The following EIF3F variants were observed in gnomAD, a reference collection of about 807,000 sequenced individuals.
The protein encoded by EIF3F is deubiquitinating enzyme eIF3f.
EIF3F carries 8 observed loss-of-function variants against 36.0 expected under a neutral mutation model. That is an observed-to-expected ratio of 0.22 (90% confidence interval 0.13 to 0.40). The LOEUF is 0.40. Ranked by LOEUF, EIF3F falls within the 10% of genes least tolerant of loss-of-function variation. The pLI, the probability that EIF3F is intolerant of heterozygous loss-of-function variation, is 1.00. For synonymous variants in EIF3F, 184 were observed against 188.5 expected, an observed-to-expected ratio of 0.98 and a Z score of 0.19; for missense variants, 430 against 467.6, an observed-to-expected ratio of 0.92 and a Z score of 0.74.
chr11:7,990,663 ATT>A (rs1942081047), intron 1 of EIF3F, among the ~76,000 whole-genome samples: 1 of 152,190 alleles, frequency 6.6e-6, no homozygotes, highest in Non-Finnish European at 1.5e-5. Context: ...ATATATGTGC[ATT>A]TGGTTTAGGG....
chr11:7,987,805 G>A, intron 1 of EIF3F, 89 bp downstream of exon 1: 2 of 1,374,266 alleles, frequency 1.5e-6, no homozygotes, highest in Non-Finnish European at 1.9e-6. Flanking sequence ...TTAATTCCTG[G>A]TGTCCTACCG....
In EIF3F at chr11:7,995,424, A is replaced by G. The variant is rs1409284515; in HGVS notation, c.996+57A>G. 3.7e-6 allele frequency: 5 copies of G among 1,366,840 alleles called. No individual in the cohort carries two copies. The Admixed American group carries it at 5.0e-5, about 14-fold the overall frequency. The allele number at this position is 1,366,840 out of a possible 1,614,324, so 84.7% of individuals were successfully genotyped here. A position where few individuals can be genotyped will look rare whatever the true frequency, so the allele number is the denominator to read the frequency against. On this transcript the variant is annotated intron_variant, in intron 7 of 7. Coordinates refer to ENST00000651655, the MANE Select transcript of EIF3F (RefSeq NM_003754.3). ...GGTTTCTTCCCCCACCTCAGCACAT[A>G]CACTCAAATGTGAAAAGAGTTGGGT...
intron 1 of EIF3F, among the ~76,000 whole-genome samples, chr11:7,991,311 T>G (rs1352434520): frequency 1.3e-5 from 2 of 152,062 alleles, no homozygotes. Context: ...GATGATAAGG[T>G]TAAGACTGAC....
Position 7,987,414 on chromosome 11 carries a change from C to T in EIF3F, c.62C>T (p.Ala21Val), listed in dbSNP as rs748122436. 9 of 1,601,140 alleles carry T rather than the reference C, an allele frequency of 5.6e-6. No individual in the cohort carries two copies. The highest frequency in any genetic ancestry group is 5.9e-6 in the Non-Finnish European group (7 of 1,179,386). The stretch of plus-strand genomic sequence containing the variant: ...GCCACGCCAACCCCAGTCCCGGCGG[C>T]GGCCCCAGCCTCAGTTCCAGCGCCA... ...PPATPTPVPAAAPASVPAPTP... is the reference protein window; with the variant it reads ...PPATPTPVPAVAPASVPAPTP... Residue 21 changes from alanine to valine, a missense_variant, in exon 1 of 8, where the codon GCG (alanine) becomes GTG (valine). Physicochemically the swap from Ala to Val is moderately conservative, Grantham distance 64. Coordinates refer to ENST00000651655, the MANE Select transcript of EIF3F (RefSeq NM_003754.3).
intron 1 of EIF3F, chr11:7,987,971 T>G (rs991772208): frequency 2.4e-6 from 1 of 411,280 alleles, no homozygotes; most frequent in Admixed American, 4.7e-5. Flanking sequence ...GTTGTGTCAT[T>G]TACTGAATAT....
chr11:7,989,865 A>G (rs1554914809), intron 1 of EIF3F, among the ~76,000 whole-genome samples: 11 of 152,236 alleles, frequency 7.2e-5, no homozygotes, highest in Non-Finnish European at 4.4e-5. Flanking sequence ...CAGGAGGTAG[A>G]GCAGGAAATG....
intron 3 of EIF3F, chr11:7,992,398 C>G: frequency 1.8e-6 from 1 of 550,218 alleles, no homozygotes; most frequent in Non-Finnish European, 3.2e-6. Context: ...GAGACCCTGT[C>G]TCTACAAAAA....
rs768938863 is a variant in EIF3F at position 7,995,387 on chromosome 11, C to T, written c.996+20C>T. On this transcript the variant is annotated intron_variant, in intron 7 of 7. Coordinates refer to ENST00000651655, the MANE Select transcript of EIF3F (RefSeq NM_003754.3). Reference sequence around the variant, plus strand: ...ATCAATGTGAGTGCCCTTCCTGAGCCCCTTCTTGCCTGGTTTCTTCCCCCA... The same window carrying T: ...ATCAATGTGAGTGCCCTTCCTGAGCTCCTTCTTGCCTGGTTTCTTCCCCCA... 10 of 1,585,616 alleles carry T rather than the reference C, an allele frequency of 6.3e-6. No individual in the cohort carries two copies. Among genetic ancestry groups the T allele is most frequent in the African/African-American group, 1.3e-5 (1 of 74,452 alleles).
chr11:7,992,037 C>T, intron 2 of EIF3F, 47 bp from the exon 3 acceptor site: 2 of 1,596,626 alleles, frequency 1.3e-6, no homozygotes, highest in Non-Finnish European at 1.7e-6. Flanking sequence ...ACCAATTTTT[C>T]TTTGGACTTC....
chr11:7,994,411 C>T lies in EIF3F; in HGVS notation c.654-15C>T, dbSNP rs966351855. 6.2e-7 allele frequency: 1 copy of T among 1,612,134 alleles called. No individual in the cohort carries two copies. The highest frequency in any genetic ancestry group is 1.3e-5 in the African/African-American group (1 of 74,876). On this transcript the variant is annotated splice_polypyrimidine_tract_variant and intron_variant, in intron 4 of 7. Coordinates refer to ENST00000651655, the MANE Select transcript of EIF3F (RefSeq NM_003754.3). ...TCCCAAGGCCATCTGTTTACTTTGG[C>T]TTCTCCTTCCGCAGCACTTTAATGG...
chr11:7,991,939 G>A (rs879612019), intron 2 of EIF3F, 88 bp downstream of exon 2: 1 of 1,532,258 alleles, frequency 6.5e-7, no homozygotes, highest in Admixed American at 1.7e-5. Flanking sequence ...CTCATAACTA[G>A]AGCTCCTGTA....
intron 1 of EIF3F, among the ~76,000 whole-genome samples, chr11:7,991,283 G>A (rs942668502): frequency 6.6e-6 from 1 of 152,258 alleles, no homozygotes; most frequent in South Asian, 2.1e-4. Flanking sequence ...TCTAAGGTTC[G>A]CAGATAGATT....
In EIF3F at chr11:7,994,513, C is replaced by T. The variant is rs570574577; in HGVS notation, c.741C>T (p.Ile247=). The change falls in exon 5 of 8, where the codon ATC becomes ATT. Residue 247 remains isoleucine (I), a synonymous_variant. Coordinates refer to ENST00000651655, the MANE Select transcript of EIF3F (RefSeq NM_003754.3). The part of the protein sequence containing the change: ...VKYAYYDTER[I]GVDLIMKTCF... ...ACGCGTACTACGACACTGAACGCAT[C>T]GGAGGTGAGTAACCTTTCCATACAC... 21 of 1,612,886 alleles carry T rather than the reference C, an allele frequency of 1.3e-5. No individual in the cohort carries two copies. Among genetic ancestry groups the T allele is most frequent in the Non-Finnish European group, 1.3e-5 (15 of 1,179,510 alleles).
chr11:7,995,434 G>T, intron 7 of EIF3F, 67 bp downstream of exon 7: 3 of 1,309,306 alleles, frequency 2.3e-6, no homozygotes, highest in Non-Finnish European at 3.3e-6. Context: ...ACACTCAAAT[G>T]TGAAAAGAGT....
rs58906269 is a variant in EIF3F, at chr11:7,990,865, G to GAATAAATA, written c.365-885_365-878dup. 8.5e-3 allele frequency among the ~76,000 whole-genome samples: 1,159 copies of GAATAAATA among 136,658 alleles called. 4 individuals carry two copies. The highest frequency in any genetic ancestry group is 0.011 in the East Asian group (49 of 4,336). 89.7% of individuals were successfully genotyped at this position (136,658 alleles called of 152,430 possible). On this transcript the variant is annotated intron_variant, in intron 1 of 7. Coordinates refer to ENST00000651655, the MANE Select transcript of EIF3F (RefSeq NM_003754.3). ...TTAGGTCAAGAAACAAATGTAGTGG[G>GAATAAATA]AATAAATAAATAAATAAATAAATAA...
Position 7,995,070 on chromosome 11 carries a change from C to T in EIF3F, c.834C>T (p.Arg278=), listed in dbSNP as rs1262921369. 6.2e-7 allele frequency: 1 copy of T among 1,613,894 alleles called. No homozygotes were observed. The highest frequency in any genetic ancestry group is 8.5e-7 in the Non-Finnish European group (1 of 1,179,942). Residue 278 remains arginine, a synonymous_variant, in exon 6 of 8, where the codon CGC becomes CGT. Coordinates refer to ENST00000651655, the MANE Select transcript of EIF3F (RefSeq NM_003754.3). The stretch of plus-strand genomic sequence containing the variant: ...AGCAAGTAGGAGGGGCATCAGCTCG[C>T]ATCCAGGATGCCCTGAGTACAGTGT... ...DLQQVGGASA[R]IQDALSTVLQ...
Position 7,987,692 on chromosome 11 carries a change from G to T in EIF3F, c.340G>T (p.Ala114Ser). Reference protein sequence around the residue: ...DSYERRNEGAARVIGTLLGTV... With the variant: ...DSYERRNEGASRVIGTLLGTV... Reference sequence around the variant, plus strand: ...CTACGAGAGACGCAACGAGGGTGCTGCCCGAGTTATCGGGACCCTGTTGGG... The same window carrying T: ...CTACGAGAGACGCAACGAGGGTGCTTCCCGAGTTATCGGGACCCTGTTGGG... Residue 114 changes from alanine to serine, a missense_variant, in exon 1 of 8, where the codon GCC becomes TCC. Ala to Ser is a moderately conservative substitution (Grantham distance 99). Transcript: ENST00000651655. 2 of 1,515,338 alleles carry T rather than the reference G, an allele frequency of 1.3e-6. No individual in the cohort carries two copies. The highest frequency in any genetic ancestry group is 1.8e-6 in the Non-Finnish European group (2 of 1,133,946). The allele number at this position is 1,515,338 out of a possible 1,614,324, so 93.9% of individuals were successfully genotyped here.
rs1942054752 is a variant in EIF3F at position 7,988,567 on chromosome 11, T to C, written c.364+851T>C. Among the ~76,000 whole-genome samples, 5 of 152,338 alleles carry C rather than the reference T, an allele frequency of 3.3e-5. 1 individual carries two copies. The South Asian group carries it at 1.0e-3, about 32-fold the overall frequency. ...AATTCCTTTCTGGAGACTATGCTGG[T>C]CCCATGAAATTCGTTTCCATTCCAT... On this transcript the variant is annotated intron_variant, in intron 1 of 7. Coordinates refer to ENST00000651655, the MANE Select transcript of EIF3F (RefSeq NM_003754.3).
At chr11:7,994,819 A>T in intron 5 of EIF3F, 163 bp from the exon 6 acceptor site, 2 of 1,041,796 alleles carry the variant, frequency 1.9e-6, no homozygotes, top group South Asian at 3.3e-5. Flanking sequence ...AGAAAAGCTG[A>T]TAAGGGCACA....
Sources: allele counts gnomAD v4.1 joint callset (sites outside exome capture counted in the v4.1 genomes callset), GRCh38; gene constraint gnomAD v4.1.1; transcripts MANE v1.5; gene names NCBI Gene and HGNC (gene_info 2026-07-23, HGNC 2026-07-21).